Variants in OR10AG1 observed in about 807,000 individuals in gnomAD.
The protein encoded by OR10AG1 is olfactory receptor family 10 subfamily AG member 1, also known as olfactory receptor 10AG1.
For synonymous variants in OR10AG1, 147 were observed against 128.6 expected (o/e 1.14, Z -0.97); for missense variants, 433 against 376.5 (o/e 1.15, Z -1.24).
At position 55,967,753 on chromosome 11, in the gene OR10AG1, T is replaced by C. The variant is rs752776020; in HGVS notation, c.771A>G (p.Ile257Met). Residue 257 changes from isoleucine (I) to methionine (M), a missense_variant, in exon 2 of 2, where the codon ATA (isoleucine) becomes ATG (methionine). Ile to Met is a conservative substitution (Grantham distance 10, BLOSUM62 1). Coordinates refer to ENST00000641071, the MANE Select transcript of OR10AG1 (RefSeq NM_001005491.2). ...CTGCTCCAAAGAATAAGATTACAAC[T>C]ATTAGGTGAGATGAGCAGGTGGAGA... The part of the protein sequence containing the change: ...KAFSTCSSHL[I>M]VVILFFGAGT... 3.1e-6 allele frequency: 5 copies of C among 1,613,750 alleles called. 1 individual carries two copies. Among genetic ancestry groups the C allele is most frequent in the Middle Eastern group, 1.6e-4 (1 of 6,062 alleles).
Position 55,967,870 on chromosome 11 carries a change from G to A in OR10AG1, c.654C>T (p.Ile218=). 6.2e-7 allele frequency: 1 copy of A among 1,614,074 alleles called. No homozygotes were observed. Among genetic ancestry groups the A allele is most frequent in the South Asian group, 1.1e-5 (1 of 91,070 alleles). Residue 218 remains isoleucine, a synonymous_variant, in exon 2 of 2, where the codon ATC becomes ATT. Coordinates refer to ENST00000641071, the MANE Select transcript of OR10AG1 (RefSeq NM_001005491.2). ...ITVHVVAVVF[I]TVPFLLIVVS... Reference sequence around the variant, plus strand: ...CAACAATCAACAGAAATGGCACCGTGATAAACACCACCGCTACTACATGGA... The same window carrying A: ...CAACAATCAACAGAAATGGCACCGTAATAAACACCACCGCTACTACATGGA...
chr11:55,969,199 CT>C (rs142137717), intron 1 of OR10AG1, among the ~76,000 whole-genome samples: 9,132 of 151,836 alleles, frequency 0.06, 381 homozygotes, highest in Non-Finnish European at 0.084. Flanking sequence ...TTTTACATTT[CT>C]TTTTTTTATC....
At position 55,967,044 on chromosome 11, in the gene OR10AG1, C is replaced by T. The variant is rs1314685540; in HGVS notation, c.*514G>A. On this transcript the variant is annotated 3_prime_UTR_variant, in exon 2 of 2. Coordinates refer to ENST00000641071, the MANE Select transcript of OR10AG1 (RefSeq NM_001005491.2). ...GTAGGCAGTTAGAGGAATAAACATT[C>T]TCAGGATATTTAGATTTAAAAATAT... The T allele has an allele frequency of 6.6e-6, 1 of 152,230 alleles. No individual in the cohort carries two copies. The highest frequency in any genetic ancestry group is 2.4e-5 in the African/African-American group (1 of 41,342). 9.4% of individuals were successfully genotyped at this position (152,230 alleles called of 1,614,324 possible). A position where few individuals can be genotyped will look rare whatever the true frequency, so the allele number is the denominator to read the frequency against.
In OR10AG1 at chr11:55,967,894, G is replaced by C; in HGVS notation, c.630C>G (p.Val210=). The change falls in exon 2 of 2, where the codon GTC becomes GTG. Residue 210 remains valine (V), a synonymous_variant. Transcript: ENST00000641071. ...TGATAAACACCACCGCTACTACATGGACTGTTATCTCATTCACAAATATGT... is the reference window on the plus strand; with the variant it reads ...TGATAAACACCACCGCTACTACATGCACTGTTATCTCATTCACAAATATGT... The part of the protein sequence containing the change: ...CGNIFVNEIT[V]HVVAVVFITV... 6.2e-7 allele frequency: 1 copy of C among 1,614,046 alleles called. No individual in the cohort carries two copies. The highest frequency in any genetic ancestry group is 8.5e-7 in the Non-Finnish European group (1 of 1,179,946).
chr11:55,966,291 T>TATA lies in OR10AG1; in HGVS notation c.*1266_*1267insTAT, dbSNP rs1491230740. ...AAGAATATATATATATATATATATA[T>TATA]TTTTTTTTTTAAACAGAAGTCAATT... On this transcript the variant is annotated 3_prime_UTR_variant, in exon 2 of 2. Coordinates refer to ENST00000641071, the MANE Select transcript of OR10AG1 (RefSeq NM_001005491.2). 2.3e-4 allele frequency: 14 copies of TATA among 61,782 alleles called. No homozygotes were observed. Among genetic ancestry groups the TATA allele is most frequent in the African/African-American group, 9.0e-4 (14 of 15,580 alleles). The allele number at this position is 61,782 out of a possible 1,614,324, so 3.8% of individuals were successfully genotyped here. A position where few individuals can be genotyped will look rare whatever the true frequency, so the allele number is the denominator to read the frequency against.
rs1852692659 is a variant in OR10AG1 at position 55,966,798 on chromosome 11, G to A, written c.*760C>T. ...GGACTTCATGTGCAACCTAAATCAT[G>A]GTACTTTCATTTACAATCTTTAGCT... On this transcript the variant is annotated 3_prime_UTR_variant, in exon 2 of 2. Coordinates refer to ENST00000641071, the MANE Select transcript of OR10AG1 (RefSeq NM_001005491.2). 6.6e-6 allele frequency: 1 copy of A among 151,962 alleles called. No homozygotes were observed. Among genetic ancestry groups the A allele is most frequent in the African/African-American group, 2.4e-5 (1 of 41,316 alleles). The allele number at this position is 151,962 out of a possible 1,614,324, so 9.4% of individuals were successfully genotyped here.
Position 55,966,267 on chromosome 11 carries a change from AG to A in OR10AG1, c.*1290del, listed in dbSNP as rs1852686943. On this transcript the variant is annotated 3_prime_UTR_variant, in exon 2 of 2. Transcript: ENST00000641071. ...CATTGATTTAGCTTGTAAAGTAAGA[AG>A]AATATATATATATATATATATATTT... The A allele has an allele frequency of 1.1e-5, 1 of 88,574 alleles. No homozygotes were observed. Among genetic ancestry groups the A allele is most frequent in the African/African-American group, 3.9e-5 (1 of 25,842 alleles). 5.5% of individuals were successfully genotyped at this position (88,574 alleles called of 1,614,324 possible).
At position 55,966,034 on chromosome 11, in the gene OR10AG1, A is replaced by G. The variant is rs112583435; in HGVS notation, c.*1524T>C. On this transcript the variant is annotated 3_prime_UTR_variant, in exon 2 of 2. Coordinates refer to ENST00000641071, the MANE Select transcript of OR10AG1 (RefSeq NM_001005491.2). ...TATTAGGGAAGTAGGAATTTCTTCA[A>G]TTGAGCAGTTCTGAGACATTATCTT... is the stretch of plus-strand genomic sequence containing the variant. The G allele has an allele frequency of 1.3e-5, 2 of 152,038 alleles. No individual in the cohort carries two copies. Among genetic ancestry groups the G allele is most frequent in the South Asian group, 2.1e-4 (1 of 4,824 alleles). 9.4% of individuals were successfully genotyped at this position (152,038 alleles called of 1,614,324 possible).
rs762022014 is a variant in OR10AG1, at chr11:55,967,556, T to C, written c.*2A>G. 27 of 1,545,584 alleles carry C rather than the reference T, an allele frequency of 1.7e-5. No individual in the cohort carries two copies. Among genetic ancestry groups the C allele is most frequent in the Non-Finnish European group, 2.3e-5 (26 of 1,136,406 alleles). On this transcript the variant is annotated 3_prime_UTR_variant, in exon 2 of 2. Transcript: ENST00000641071. ...TTATTTCTGTAATTTCAAGTCTTCATCTCATGTTAATAACTTAGCTAGTAA... is the reference window on the plus strand; with the variant it reads ...TTATTTCTGTAATTTCAAGTCTTCACCTCATGTTAATAACTTAGCTAGTAA...
chr11:55,968,971 T>A (rs902212390), intron 1 of OR10AG1, among the ~76,000 whole-genome samples: 11 of 152,052 alleles, frequency 7.2e-5, no homozygotes, highest in Non-Finnish European at 1.5e-4. Context: ...CCAGTGAGAA[T>A]CAATTATCTT....
Position 55,968,308 on chromosome 11 carries a change from A to G in OR10AG1, c.216T>C (p.Phe72=). 1 of 1,613,802 alleles carries G rather than the reference A, an allele frequency of 6.2e-7. No individual in the cohort carries two copies. The part of the protein sequence containing the change: ...IHPALQTPMY[F]FLSNFSLLEI... ...CCAAAAGGGAAAAATTGCTAAGAAA[A>G]AAATACATGGGAGTCTGGAGAGCGG... The change falls in exon 2 of 2, where the codon TTT becomes TTC. Residue 72 remains phenylalanine (F), a synonymous_variant. Coordinates refer to ENST00000641071, the MANE Select transcript of OR10AG1 (RefSeq NM_001005491.2).
chr11:55,967,311 C>T lies in OR10AG1; in HGVS notation c.*247G>A. 2.8e-6 allele frequency: 1 copy of T among 355,294 alleles called. No individual in the cohort carries two copies. The highest frequency in any genetic ancestry group is 5.1e-6 in the Non-Finnish European group (1 of 197,348). The allele number at this position is 355,294 out of a possible 1,614,324, so 22.0% of individuals were successfully genotyped here. A position where few individuals can be genotyped will look rare whatever the true frequency, so the allele number is the denominator to read the frequency against. On this transcript the variant is annotated 3_prime_UTR_variant, in exon 2 of 2. Coordinates refer to ENST00000641071, the MANE Select transcript of OR10AG1 (RefSeq NM_001005491.2). ...TTTTTCATTTTATTGCTCAGGTGGT[C>T]TCTTAATCAACAGTTAACCATTGAT...
chr11:55,968,657 T>C (rs1331240198), intron 1 of OR10AG1, 150 bp from the exon 2 acceptor site: 1 of 462,796 alleles, frequency 2.2e-6, no homozygotes, highest in Non-Finnish European at 3.8e-6. Flanking sequence ...GATAATAAAC[T>C]GATTTAGCAT....
Position 55,966,377 on chromosome 11 carries a change from A to T in OR10AG1, c.*1181T>A, listed in dbSNP as rs1422239040. 4 of 151,668 alleles carry T rather than the reference A, an allele frequency of 2.6e-5. No individual in the cohort carries two copies. The highest frequency in any genetic ancestry group is 5.9e-5 in the Non-Finnish European group (4 of 67,952). The allele number at this position is 151,668 out of a possible 1,614,324, so 9.4% of individuals were successfully genotyped here. On this transcript the variant is annotated 3_prime_UTR_variant, in exon 2 of 2. Transcript: ENST00000641071. ...GGTGGAATGGCATATCAGCTGAATC[A>T]GCTGAGGCAAGGTGGAATACAGAAT...
Position 55,967,488 on chromosome 11 carries a change from A to T in OR10AG1, c.*70T>A. On this transcript the variant is annotated 3_prime_UTR_variant, in exon 2 of 2. Transcript: ENST00000641071. Reference sequence around the variant, plus strand: ...TATTGAATACCATAGGGACAAAGTTAAAAAAAAATTCACTGAAGCCACATG... The same window carrying T: ...TATTGAATACCATAGGGACAAAGTTTAAAAAAAATTCACTGAAGCCACATG... 1 of 931,952 alleles carries T rather than the reference A, an allele frequency of 1.1e-6. No individual in the cohort carries two copies. The highest frequency in any genetic ancestry group is 1.7e-5 in the African/African-American group (1 of 60,474). 57.7% of individuals were successfully genotyped at this position (931,952 alleles called of 1,614,324 possible). A position where few individuals can be genotyped will look rare whatever the true frequency, so the allele number is the denominator to read the frequency against.
In OR10AG1 at chr11:55,968,131, A is replaced by G. The variant is rs756908905; in HGVS notation, c.393T>C (p.Tyr131=). The part of the protein sequence containing the change: ...TECLLLTVMA[Y]DRYVAICKPL... ...GCTTACAAATAGCCACGTAGCGGTC[A>G]TAGGCCATCACTGTCAGAAGGAGAC... Residue 131 remains tyrosine (Y), a synonymous_variant, in exon 2 of 2, where the codon TAT becomes TAC. Coordinates refer to ENST00000641071, the MANE Select transcript of OR10AG1 (RefSeq NM_001005491.2). The G allele has an allele frequency of 1.9e-6, 3 of 1,613,830 alleles. No homozygotes were observed. The highest frequency in any genetic ancestry group is 2.5e-6 in the Non-Finnish European group (3 of 1,179,914).
In OR10AG1 at chr11:55,967,675, T is replaced by C. The variant is rs767707841; in HGVS notation, c.849A>G (p.Lys283=). 3 of 1,613,746 alleles carry C rather than the reference T, an allele frequency of 1.9e-6. No individual in the cohort carries two copies. Among genetic ancestry groups the C allele is most frequent in the Non-Finnish European group, 2.5e-6 (3 of 1,179,732 alleles). The change falls in exon 2 of 2, where the codon AAA becomes AAG. Residue 283 remains lysine (K), a synonymous_variant. Transcript: ENST00000641071. ...PKPHQFQRMG[K]LISLFYTILI... ...GAATGGTGTAGAAAAGAGAAATCAGTTTCCCCATCCTTTGAAACTGATGTG... is the reference window on the plus strand; with the variant it reads ...GAATGGTGTAGAAAAGAGAAATCAGCTTCCCCATCCTTTGAAACTGATGTG...
In OR10AG1 at chr11:55,966,821, G is replaced by A. The variant is rs1042844728; in HGVS notation, c.*737C>T. On this transcript the variant is annotated 3_prime_UTR_variant, in exon 2 of 2. Coordinates refer to ENST00000641071, the MANE Select transcript of OR10AG1 (RefSeq NM_001005491.2). ...ATGGTACTTTCATTTACAATCTTTAGCTTCACTATAGCTGAAAGTCTTTGT... is the reference window on the plus strand; with the variant it reads ...ATGGTACTTTCATTTACAATCTTTAACTTCACTATAGCTGAAAGTCTTTGT... The A allele has an allele frequency of 6.6e-6, 1 of 151,956 alleles. No homozygotes were observed. The highest frequency in any genetic ancestry group is 1.5e-5 in the Non-Finnish European group (1 of 67,992). The allele number at this position is 151,956 out of a possible 1,614,324, so 9.4% of individuals were successfully genotyped here.
In OR10AG1 at chr11:55,967,866, C is replaced by A. The variant is rs1207149248; in HGVS notation, c.658G>T (p.Val220Leu). 4 of 1,614,042 alleles carry A rather than the reference C, an allele frequency of 2.5e-6. No homozygotes were observed. The East Asian group carries it at 8.9e-5, about 36-fold the overall frequency. ...GAGACAACAATCAACAGAAATGGCA[C>A]CGTGATAAACACCACCGCTACTACA... ...VHVVAVVFIT[V>L]PFLLIVVSYG... is the part of the protein sequence containing the mutation. The change falls in exon 2 of 2, where the codon GTG (valine) becomes TTG (leucine). Residue 220 changes from valine to leucine, a missense_variant. Val to Leu is a conservative substitution (Grantham distance 32). Coordinates refer to ENST00000641071, the MANE Select transcript of OR10AG1 (RefSeq NM_001005491.2).
Sources: allele counts gnomAD v4.1 joint callset (sites outside exome capture counted in the v4.1 genomes callset), GRCh38; gene constraint gnomAD v4.1.1; transcripts MANE v1.5; gene names NCBI Gene and HGNC (gene_info 2026-07-23, HGNC 2026-07-21).